KMT2C: variants seen among roughly 807,000 people sequenced by gnomAD.
The protein encoded by KMT2C is histone-lysine N-methyltransferase 2C.
A neutral mutation model predicts 507.9 loss-of-function variants in KMT2C; 88 were observed. That is an observed-to-expected ratio of 0.17 (90% confidence interval 0.15 to 0.21). KMT2C has a LOEUF of 0.21. Among genes scored for constraint, KMT2C ranks in the 10% least tolerant of loss-of-function variants. KMT2C has a pLI of 1.00. For synonymous variants in KMT2C, 2,049 were observed against 2,080.8 expected, an observed-to-expected ratio of 0.98 and a Z score of 0.42; for missense variants, 4,954 against 5,957.8, an observed-to-expected ratio of 0.83 and a Z score of 5.55.
chr7:152,249,684 A>AC (rs2095532358), intron 13 of KMT2C, among the ~76,000 whole-genome samples, 192 bp downstream of exon 13: 2 of 150,768 alleles, frequency 1.3e-5, no homozygotes, highest in African/African-American at 4.9e-5. Flanking sequence ...AAAAAAAAAA[A>AC]AAAAAAAAAA....
chr7:152,270,705 G>A (rs2095948254), intron 7 of KMT2C, among the ~76,000 whole-genome samples: 3 of 152,136 alleles, frequency 2.0e-5, no homozygotes, highest in Non-Finnish European at 4.4e-5. Context: ...TATTCAGGAA[G>A]TATATCTGGT....
chr7:152,391,022 G>A (rs1362189902), intron 1 of KMT2C, among the ~76,000 whole-genome samples: 1 of 150,752 alleles, frequency 6.6e-6, no homozygotes, highest in African/African-American at 2.4e-5. Context: ...GCAGGCGCCT[G>A]TAATCCCAGC....
chr7:152,407,965 C>G (rs71252126), intron 1 of KMT2C, among the ~76,000 whole-genome samples: 4,800 of 76,924 alleles, frequency 0.062, no homozygotes, highest in East Asian at 0.15. Flanking sequence ...GGAACATATA[C>G]TTCAGTATTA....
In KMT2C at chr7:152,177,705, T is replaced by C. The variant is rs760929803; in HGVS notation, c.7748A>G (p.Glu2583Gly). 9 of 1,614,102 alleles carry C rather than the reference T, an allele frequency of 5.6e-6. No individual in the cohort carries two copies. Among genetic ancestry groups the C allele is most frequent in the Non-Finnish European group, 7.6e-6 (9 of 1,180,002 alleles). ...PFSAPPGSVVEASSNLRHGNF... is the reference protein window; with the variant it reads ...PFSAPPGSVVGASSNLRHGNF... ...TCCATGTCTCAGATTAGAAGATGCC[T>C]CTACAACGCTGCCAGGTGGAGCACT... Residue 2583 changes from glutamate (E) to glycine (G), a missense_variant, in exon 38 of 59, where the codon GAG (glutamate) becomes GGG (glycine). Physicochemically the swap from Glu to Gly is moderately conservative, Grantham distance 98 (BLOSUM62 -2). Transcript: ENST00000262189.
chr7:152,418,131 G>T (rs561663556), intron 1 of KMT2C, among the ~76,000 whole-genome samples: 14 of 151,402 alleles, frequency 9.2e-5, no homozygotes, highest in African/African-American at 3.2e-4. Flanking sequence ...GTAGAGATGG[G>T]GATTCACCAT....
intron 55 of KMT2C, 96 bp from the exon 56 acceptor site, chr7:152,139,887 C>G (rs1587601239): frequency 5.2e-6 from 4 of 771,630 alleles, no homozygotes; most frequent in East Asian, 5.1e-5. Flanking sequence ...TTATTAGAAG[C>G]CATACTTAAG....
chr7:152,296,024 C>T (rs1353430644), intron 6 of KMT2C, among the ~76,000 whole-genome samples: 4 of 143,564 alleles, frequency 2.8e-5, no homozygotes, highest in Non-Finnish European at 4.5e-5. Flanking sequence ...GCCGAGATCA[C>T]GCCACTGCAC....
In KMT2C at chr7:152,189,814, C is replaced by T. The variant is rs566698602; in HGVS notation, c.4661-1967G>A. 1.0e-3 allele frequency among the ~76,000 whole-genome samples: 156 copies of T among 152,270 alleles called. 1 individual carries two copies. Among genetic ancestry groups the T allele is most frequent in the African/African-American group, 2.8e-3 (115 of 41,566 alleles). On this transcript the variant is annotated intron_variant, in intron 31 of 58. Coordinates refer to ENST00000262189, the MANE Select transcript of KMT2C (RefSeq NM_170606.3). ...CAAGGATTAAAGGGCAAGATTTCTG[C>T]TTTTTTCAAACTAGAATGCCACATC...
chr7:152,363,260 CCT>C (rs1324300903), intron 1 of KMT2C, among the ~76,000 whole-genome samples: 10 of 152,090 alleles, frequency 6.6e-5, no homozygotes, highest in African/African-American at 2.2e-4. Flanking sequence ...TCTTCGTTCC[CCT>C]CTTTTTCCTG....
At chr7:152,327,561 C>G (rs905945122) in intron 3 of KMT2C, among the ~76,000 whole-genome samples, 2 of 152,156 alleles carry the variant, frequency 1.3e-5, no homozygotes, top group Admixed American at 1.3e-4. Flanking sequence ...TTTCTAATCT[C>G]TATATAACAC....
chr7:152,252,790 AAAAGTCATG>A, intron 9 of KMT2C, 75 bp from the exon 10 acceptor site: 1 of 1,040,588 alleles, frequency 9.6e-7, no homozygotes, highest in Non-Finnish European at 1.4e-6. Context: ...TAAACCTTTA[AAAAGTCATG>A]AATCATTTGT....
chr7:152,145,432 A>C, intron 53 of KMT2C, 137 bp from the exon 54 acceptor site: 1 of 830,626 alleles, frequency 1.2e-6, no homozygotes, highest in South Asian at 1.7e-5. Context: ...CTTCTAGCTT[A>C]TGTTAACACT....
At chr7:152,368,732 C>T (rs2097267947) in intron 1 of KMT2C, 5 of 1,094,056 alleles carry the variant, frequency 4.6e-6, no homozygotes, top group African/African-American at 1.6e-5. Context: ...TTGTTGGATC[C>T]GTTTGACCAA....
At chr7:152,147,707 CAAAAAAAAAAAA>C (rs762588729) in intron 52 of KMT2C, among the ~76,000 whole-genome samples, 4 of 46,724 alleles carry the variant, frequency 8.6e-5, no homozygotes, top group Non-Finnish European at 1.4e-4. Context: ...AACTCCGTCT[CAAAAAAAAAAAA>C]AAAAAAAAAG....
chr7:152,140,623 T>C (rs528060732), intron 55 of KMT2C, among the ~76,000 whole-genome samples: 1 of 152,206 alleles, frequency 6.6e-6, no homozygotes, highest in Non-Finnish European at 1.5e-5. Flanking sequence ...TGCAACTGAA[T>C]CAGAAGTACT....
intron 6 of KMT2C, among the ~76,000 whole-genome samples, chr7:152,304,267 G>T (rs1303738932): frequency 6.6e-6 from 1 of 152,126 alleles, no homozygotes; most frequent in Non-Finnish European, 1.5e-5. Context: ...CTAATTAGAA[G>T]TAGTACATGA....
intron 1 of KMT2C, among the ~76,000 whole-genome samples, chr7:152,411,756 A>G (rs1226429323): frequency 6.6e-6 from 1 of 152,308 alleles, no homozygotes; most frequent in Non-Finnish European, 1.5e-5. Context: ...CCATTTAATT[A>G]CTTTGTATTA....
chr7:152,417,221 C>T (rs970892108), intron 1 of KMT2C, among the ~76,000 whole-genome samples: 4 of 152,206 alleles, frequency 2.6e-5, no homozygotes, highest in African/African-American at 2.4e-5. Context: ...CAGGTTCAAG[C>T]GACTCTCCTG....
intron 24 of KMT2C, 123 bp from the exon 25 acceptor site, chr7:152,205,348 C>A: frequency 2.6e-4 from 86 of 333,626 alleles, no homozygotes; most frequent in East Asian, 7.3e-4. Flanking sequence ...CTGTGCTAAT[C>A]TAAATCAATA....
Sources: allele counts gnomAD v4.1 joint callset (sites outside exome capture counted in the v4.1 genomes callset), GRCh38; gene constraint gnomAD v4.1.1; transcripts MANE v1.5; gene names NCBI Gene and HGNC (gene_info 2026-07-23, HGNC 2026-07-21).